Variants in CACNB2 observed in about 807,000 individuals in gnomAD.
CACNB2 encodes the protein calcium voltage-gated channel auxiliary subunit beta 2.
Under a neutral mutation model 73.3 loss-of-function variants are expected in CACNB2, and 42 were observed. The observed-to-expected ratio is 0.57, with a 90% CI of 0.45 to 0.74. CACNB2 has a LOEUF of 0.74. Among genes scored for constraint, CACNB2 ranks in the 30% least tolerant of loss-of-function variants. The pLI is 0.00. For synonymous variants in CACNB2, 348 were observed against 310.3 expected, an observed-to-expected ratio of 1.12 and a Z score of -1.28; for missense variants, 940 against 853.0, an observed-to-expected ratio of 1.10 and a Z score of -1.27.
At chr10:18,201,594 A>G (rs1162736401) in intron 2 of CACNB2, among the ~76,000 whole-genome samples, 2 of 152,214 alleles carry the variant, frequency 1.3e-5, no homozygotes, top group East Asian at 1.9e-4. Context: ...TTTAATTGAC[A>G]CATAATAATT....
In CACNB2 at chr10:18,443,018, A is replaced by ATATATATATATGTATATATATATATG. The variant is rs2046545269; in HGVS notation, c.333+40986_333+40987insGTATATATATATATGTATATATATAT. ...TATATGTGTATATATATATATGTATATATATATATATATATATAAATAAGG... is the reference window on the plus strand; with the variant it reads ...TATATGTGTATATATATATATGTATATATATATATATGTATATATATATATGTATATATATATATATATAAATAAGG... On this transcript the variant is annotated intron_variant, in intron 3 of 13. Transcript: ENST00000324631. Among the ~76,000 whole-genome samples the ATATATATATATGTATATATATATATG allele has an allele frequency of 4.7e-4, 33 of 69,984 alleles. 2 individuals are homozygous for ATATATATATATGTATATATATATATG. In the South Asian group the frequency reaches 6.4e-3, roughly 13 times the overall value. The allele number at this position is 69,984 out of a possible 152,430, so 45.9% of individuals were successfully genotyped here.
chr10:18,261,144 G>A, intron 2 of CACNB2: 2 of 1,532,650 alleles, frequency 1.3e-6, no homozygotes, highest in Non-Finnish European at 1.8e-6. Context: ...CAGAAGCTAA[G>A]TGATTTGCTC....
chr10:18,213,597 C>G (rs375248573), intron 2 of CACNB2, among the ~76,000 whole-genome samples: 1 of 152,170 alleles, frequency 6.6e-6, no homozygotes, highest in African/African-American at 2.4e-5. Flanking sequence ...AACCAAAGCA[C>G]TTTAGTAAAA....
chr10:18,450,677 T>C (rs369379214), intron 3 of CACNB2, among the ~76,000 whole-genome samples: 119 of 150,216 alleles, frequency 7.9e-4, no homozygotes, highest in African/African-American at 2.8e-3. Context: ...GGCTGGAGTA[T>C]GGTGGTGCCA....
chr10:18,451,085 C>G (rs1309112956), intron 3 of CACNB2, among the ~76,000 whole-genome samples: 1 of 152,186 alleles, frequency 6.6e-6, no homozygotes, highest in Non-Finnish European at 1.5e-5. Flanking sequence ...CTATTAAAGT[C>G]AGCTCTATAT....
In CACNB2 at chr10:18,520,111, A is replaced by C. The variant is rs377270259; in HGVS notation, c.944+1143A>C. On this transcript the variant is annotated intron_variant, in intron 9 of 13. Transcript: ENST00000324631. ...GATTTCATTCAGCATCAGATTTTTA[A>C]ATTCCATTCCTTTGCCAGTCTTTCC... 16 of 191,162 alleles carry C rather than the reference A, an allele frequency of 8.4e-5. No individual in the cohort carries two copies. The East Asian group carries it at 1.3e-3, about 16-fold the overall frequency. The allele number at this position is 191,162 out of a possible 1,614,324, so 11.8% of individuals were successfully genotyped here.
chr10:18,224,282 C>G (rs2035902477), intron 2 of CACNB2: 1 of 151,492 alleles, frequency 6.6e-6, no homozygotes, highest in East Asian at 1.9e-4. Context: ...ATGATTAAGA[C>G]CTACCTTCCG....
chr10:18,312,214 C>T (rs1422481763), intron 2 of CACNB2, among the ~76,000 whole-genome samples: 1 of 152,098 alleles, frequency 6.6e-6, no homozygotes, highest in Non-Finnish European at 1.5e-5. Flanking sequence ...AAGTTTGCAA[C>T]TTAAAATCTC....
chr10:18,296,448 TGA>T (rs2039284791), intron 2 of CACNB2, among the ~76,000 whole-genome samples: 1 of 152,214 alleles, frequency 6.6e-6, no homozygotes, highest in Non-Finnish European at 1.5e-5. Flanking sequence ...ACTCATACGT[TGA>T]GAGAGTATTT....
At chr10:18,152,715 A>C (rs2031675947) in intron 2 of CACNB2, among the ~76,000 whole-genome samples, 1 of 118,414 alleles carries the variant, frequency 8.4e-6, no homozygotes, top group Admixed American at 7.8e-5. Context: ...AGACCAAAAA[A>C]AAAAAAAAAA....
rs761204334 is a variant in CACNB2, at chr10:18,245,242, A to T, written c.213+94267A>T. Reference sequence around the variant, plus strand: ...CACACAGTGTGTAGAAATGTCTTCTATGTGTCTTTTTTGTGTGTCCAGATG... The same window carrying T: ...CACACAGTGTGTAGAAATGTCTTCTTTGTGTCTTTTTTGTGTGTCCAGATG... On this transcript the variant is annotated intron_variant, in intron 2 of 13. Transcript: ENST00000324631. Among the ~76,000 whole-genome samples the T allele has an allele frequency of 4.6e-4, 70 of 152,286 alleles. No individual in the cohort carries two copies. In the Middle Eastern group the frequency reaches 0.01, roughly 22 times the overall value.
intron 2 of CACNB2, among the ~76,000 whole-genome samples, chr10:18,398,692 TACACACACAC>T (rs200052800): frequency 1.8e-5 from 1 of 57,068 alleles, no homozygotes; most frequent in Non-Finnish European, 3.9e-5. Flanking sequence ...CACACACACA[TACACACACAC>T]ACACACACAC....
intron 2 of CACNB2, chr10:18,238,668 A>T (rs1368962255): frequency 4.6e-5 from 7 of 152,200 alleles, no homozygotes; most frequent in African/African-American, 1.7e-4. Flanking sequence ...GATTGTAGTG[A>T]TTCAAAATTT....
At chr10:18,327,889 G>T (rs1298955678) in intron 2 of CACNB2, among the ~76,000 whole-genome samples, 1 of 152,162 alleles carries the variant, frequency 6.6e-6, no homozygotes, top group African/African-American at 2.4e-5. Context: ...GGCAGGGCTA[G>T]TTCAAGACTT....
chr10:18,389,374 T>G (rs2043368450), intron 2 of CACNB2, among the ~76,000 whole-genome samples: 1 of 152,176 alleles, frequency 6.6e-6, no homozygotes. Flanking sequence ...CCTGGGCTCA[T>G]GCAGTCCTCC....
At position 18,243,185 on chromosome 10, in the gene CACNB2, A is replaced by C. The variant is rs562452803; in HGVS notation, c.213+92210A>C. ...ATTAAAAGAGACTATTTTAGAATCT[A>C]CAGGACTAGTAATACACAAAGTCCC... On this transcript the variant is annotated intron_variant, in intron 2 of 13. Coordinates refer to ENST00000324631, the MANE Select transcript of CACNB2 (RefSeq NM_201596.3). Among the ~76,000 whole-genome samples the C allele has an allele frequency of 1.3e-4, 20 of 152,258 alleles. No homozygotes were observed. The East Asian group carries it at 3.9e-3, about 29-fold the overall frequency.
chr10:18,356,264 C>T (rs890143646), intron 2 of CACNB2, among the ~76,000 whole-genome samples: 4 of 152,210 alleles, frequency 2.6e-5, no homozygotes, highest in African/African-American at 9.6e-5. Context: ...CTGCCCAGCA[C>T]CCACTTTGCA....
chr10:18,226,933 G>C (rs10828326), intron 2 of CACNB2, among the ~76,000 whole-genome samples: 2,353 of 152,192 alleles, frequency 0.015, 49 homozygotes, highest in East Asian at 0.11. Flanking sequence ...GAAAAAAAGT[G>C]GGGGAGGAGG....
rs533892919 is a variant in CACNB2, at chr10:18,344,591, C to T, written c.214-57333C>T. 7.2e-5 allele frequency among the ~76,000 whole-genome samples: 11 copies of T among 151,984 alleles called. No individual in the cohort carries two copies. The South Asian group carries it at 2.3e-3, about 32-fold the overall frequency. ...TTCACCATGTTGGTCAGGCTGGTCT[C>T]GAACTCCTGACCTCAGGTGATCCAC... On this transcript the variant is annotated intron_variant, in intron 2 of 13. Coordinates refer to ENST00000324631, the MANE Select transcript of CACNB2 (RefSeq NM_201596.3).
Sources: gnomAD v4.1 joint callset for allele counts (sites outside exome capture counted in the v4.1 genomes callset) on GRCh38, gnomAD v4.1.1 for gene constraint, MANE v1.5 for transcripts, NCBI Gene and HGNC (gene_info 2026-07-23, HGNC 2026-07-21) for gene names.